The following RTTN variants were observed in gnomAD, a reference collection of about 807,000 sequenced individuals.
RTTN encodes rotatin.
In RTTN, 182 loss-of-function variants were observed where a neutral mutation model predicts 269.2. That is an observed-to-expected ratio of 0.68 (90% CI 0.60 to 0.76). RTTN has a LOEUF of 0.76. Among genes scored for constraint, RTTN ranks in the 30% least tolerant of loss-of-function variants. The pLI, the probability that RTTN is intolerant of heterozygous loss-of-function variation, is 0.00. For missense variants in RTTN, 2,545 were observed against 2,608.6 expected, an observed-to-expected ratio of 0.98 and a Z score of 0.53; for synonymous variants, 1,006 against 963.5, an observed-to-expected ratio of 1.04 and a Z score of -0.82.
intron 46 of RTTN, among the ~76,000 whole-genome samples, chr18:70,012,628 G>A (rs551576348): frequency 3.5e-4 from 53 of 151,306 alleles, no homozygotes; most frequent in African/African-American, 1.3e-3. Context: ...CTGCTCACTG[G>A]TATTAGTTAC....
intron 14 of RTTN, among the ~76,000 whole-genome samples, chr18:70,152,502 G>A (rs1005815080): frequency 5.3e-5 from 8 of 152,090 alleles, no homozygotes; most frequent in Admixed American, 2.0e-4. Context: ...CATTATCAAT[G>A]AAATTATTAG....
At chr18:70,101,543 A>AT (rs1026760286) in intron 28 of RTTN, among the ~76,000 whole-genome samples, 5 of 151,786 alleles carry the variant, frequency 3.3e-5, no homozygotes, top group African/African-American at 4.8e-5. Context: ...GGATTCACCA[A>AT]TTTTTTTTAA....
chr18:70,056,127 G>T (rs891386505), intron 37 of RTTN, among the ~76,000 whole-genome samples: 6 of 152,194 alleles, frequency 3.9e-5, no homozygotes, highest in African/African-American at 1.4e-4. Context: ...CAGACTCTAC[G>T]TGAGGAGAGA....
intron 26 of RTTN, among the ~76,000 whole-genome samples, chr18:70,119,930 C>A (rs1444604606): frequency 6.6e-6 from 1 of 152,162 alleles, no homozygotes; most frequent in Non-Finnish European, 1.5e-5. Flanking sequence ...ACAGTCCCTA[C>A]CTTCACCAAT....
chr18:70,100,699 T>C (rs2059136144), intron 28 of RTTN, among the ~76,000 whole-genome samples: 1 of 152,186 alleles, frequency 6.6e-6, no homozygotes, highest in African/African-American at 2.4e-5. Context: ...TTCAGTATGA[T>C]ATTGGCTGTG....
At chr18:70,100,934 A>G (rs1433904940) in intron 28 of RTTN, among the ~76,000 whole-genome samples, 1 of 152,162 alleles carries the variant, frequency 6.6e-6, no homozygotes, top group African/African-American at 2.4e-5. Flanking sequence ...AGCCCACTTG[A>G]TCATGGTGGA....
intron 40 of RTTN, among the ~76,000 whole-genome samples, chr18:70,041,898 G>A (rs182045764): frequency 6.6e-6 from 1 of 152,178 alleles, no homozygotes; most frequent in East Asian, 1.9e-4. Context: ...CAGGGAATCT[G>A]ATAAGCCCCA....
At chr18:70,076,727 T>C (rs368398682) in intron 32 of RTTN, among the ~76,000 whole-genome samples, 88 of 152,114 alleles carry the variant, frequency 5.8e-4, no homozygotes, top group African/African-American at 1.9e-3. Flanking sequence ...AGCCAGCACA[T>C]GGTGGTCACT....
At chr18:70,056,400 A>G (rs1221760596) in intron 37 of RTTN, among the ~76,000 whole-genome samples, 1 of 152,192 alleles carries the variant, frequency 6.6e-6, no homozygotes, top group Non-Finnish European at 1.5e-5. Context: ...TTATAAAATG[A>G]CATTAATGAT....
chr18:70,203,614 G>A (rs1415252483), intron 3 of RTTN, among the ~76,000 whole-genome samples: 1 of 152,172 alleles, frequency 6.6e-6, no homozygotes, highest in African/African-American at 2.4e-5. Flanking sequence ...ATGTCTCTTT[G>A]ACTTGGATTT....
intron 27 of RTTN, among the ~76,000 whole-genome samples, chr18:70,112,976 C>G (rs1055336468): frequency 1.2e-4 from 19 of 152,272 alleles, no homozygotes; most frequent in African/African-American, 4.3e-4. Context: ...TCTTTCAAAC[C>G]ACAGTGCAAT....
rs377399910 is a variant in RTTN, at chr18:70,109,551, G to T, written c.3850C>A (p.Pro1284Thr). 54 of 1,613,974 alleles carry T rather than the reference G, an allele frequency of 3.3e-5. No homozygotes were observed. Among genetic ancestry groups the T allele is most frequent in the Middle Eastern group, 1.6e-4 (1 of 6,082 alleles). ...CAGATATCTAGAGGCTTTGTGAGAG[G>T]AGAGTGTGAGCTCCATCCCGGAAAC... ...TAFPGWSSHS[P>T]LTKPLDICVK... Residue 1284 changes from proline (P) to threonine (T), a missense_variant, in exon 28 of 49, where the codon CCT becomes ACT. Physicochemically the swap from Pro to Thr is conservative, Grantham distance 38. Coordinates refer to ENST00000640769, the MANE Select transcript of RTTN (RefSeq NM_173630.4).
rs75500500 is a variant in RTTN at position 70,003,382 on chromosome 18, T to G, written c.*769A>C. 0.053 allele frequency: 8,071 copies of G among 152,250 alleles called. 280 individuals carry two copies. Among genetic ancestry groups the G allele is most frequent in the Admixed American group, 0.088 (1,337 of 15,272 alleles). 9.4% of individuals were successfully genotyped at this position (152,250 alleles called of 1,614,324 possible). On this transcript the variant is annotated 3_prime_UTR_variant, in exon 49 of 49. Transcript: ENST00000640769. ...TCTTACTCTATTCTTCATGATGTTT[T>G]GGGCTGAGCTAAATTTGAACCCAGG...
chr18:70,026,056 T>C (rs547550155), intron 43 of RTTN, among the ~76,000 whole-genome samples: 1 of 152,384 alleles, frequency 6.6e-6, no homozygotes, highest in Admixed American at 6.5e-5. Context: ...ATGCCACTAT[T>C]CATGACCAAA....
At chr18:70,057,627 C>A (rs367910136) in intron 37 of RTTN, 115 bp downstream of exon 37, 15 of 708,446 alleles carry the variant, frequency 2.1e-5, no homozygotes, top group Non-Finnish European at 3.7e-5. Flanking sequence ...TCTCATCATA[C>A]CATGTATATT....
chr18:70,138,288 A>C (rs2060173336), intron 21 of RTTN: 1 of 152,150 alleles, frequency 6.6e-6, no homozygotes, highest in South Asian at 2.1e-4. Flanking sequence ...TCAATAAATA[A>C]ATAAGTAAGT....
chr18:70,187,733 T>G (rs935588952), intron 10 of RTTN, among the ~76,000 whole-genome samples: 1 of 152,218 alleles, frequency 6.6e-6, no homozygotes, highest in Non-Finnish European at 1.5e-5. Context: ...TATGCTGATA[T>G]TGCTAGGAAC....
chr18:70,092,228 G>GA lies in RTTN; in HGVS notation c.4033-9dup. On this transcript the variant is annotated splice_polypyrimidine_tract_variant and intron_variant, in intron 29 of 48. Transcript: ENST00000640769. ...CCAAAGTGACATCCACTCCTAGAGGGAAAAAAGGGAAACAGAAATATTTGA... is the reference window on the plus strand; with the variant it reads ...CCAAAGTGACATCCACTCCTAGAGGGAAAAAAAGGGAAACAGAAATATTTGA... The GA allele has an allele frequency of 2.7e-6, 4 of 1,489,208 alleles. No individual in the cohort carries two copies. Among genetic ancestry groups the GA allele is most frequent in the Non-Finnish European group, 3.7e-6 (4 of 1,074,396 alleles). 92.2% of individuals were successfully genotyped at this position (1,489,208 alleles called of 1,614,324 possible).
intron 23 of RTTN, chr18:70,131,320 A>T (rs1246935680): frequency 2.6e-5 from 4 of 151,704 alleles, no homozygotes; most frequent in Admixed American, 6.6e-5. Context: ...ACTGCATAAA[A>T]TAATTATAAT....
Sources: allele counts gnomAD v4.1 joint callset (sites outside exome capture counted in the v4.1 genomes callset), GRCh38; gene constraint gnomAD v4.1.1; transcripts MANE v1.5; gene names NCBI Gene and HGNC (gene_info 2026-07-23, HGNC 2026-07-21).